The following RHOJ variants were observed in gnomAD, a reference collection of about 807,000 sequenced individuals.
RHOJ encodes ras homolog family member J, also known as rho-related GTP-binding protein RhoJ.
In RHOJ, 11 loss-of-function variants were observed where a neutral mutation model predicts 23.4. The ratio of observed to expected loss-of-function variants is 0.47; its 90% CI spans 0.30 to 0.78. The LOEUF (loss-of-function observed/expected upper bound fraction) is 0.78. Among genes scored for constraint, RHOJ ranks in the 30% least tolerant of loss-of-function variants. The probability of loss-of-function intolerance (pLI) is 0.08; values close to 1 mark genes in which losing one functional copy is unlikely to be tolerated. For missense variants in RHOJ, 254 were observed against 273.4 expected, an observed-to-expected ratio of 0.93 and a Z score of 0.50; for synonymous variants, 102 against 102.7, an observed-to-expected ratio of 0.99 and a Z score of 0.04.
rs996272585 is a variant in RHOJ, at chr14:63,239,305, T to C, written c.179-29805T>C. ...TTTTATATTTTTAATAGAGACGGGG[T>C]TTCGCCATGTTGGCCAGGCTAGTCT... On this transcript the variant is annotated intron_variant, in intron 1 of 4. Transcript: ENST00000316754. Among the ~76,000 whole-genome samples the C allele has an allele frequency of 1.4e-4, 21 of 152,064 alleles. 1 individual carries two copies. The highest frequency in any genetic ancestry group is 4.8e-4 in the African/African-American group (20 of 41,452).
rs543454361 is a variant in RHOJ, at chr14:63,246,626, A to G, written c.179-22484A>G. ...ATGCCATGAACATTAGCTATTATTC[A>G]TATGATTCTCTCTCTCCTCCTATTT... is the stretch of plus-strand genomic sequence containing the variant. On this transcript the variant is annotated intron_variant, in intron 1 of 4. Transcript: ENST00000316754. Among the ~76,000 whole-genome samples, 5 of 152,346 alleles carry G rather than the reference A, an allele frequency of 3.3e-5. No homozygotes were observed. In the East Asian group the frequency reaches 9.6e-4, roughly 29 times the overall value.
At chr14:63,249,739 G>A (rs1895035785) in intron 1 of RHOJ, among the ~76,000 whole-genome samples, 1 of 152,074 alleles carries the variant, frequency 6.6e-6, no homozygotes, top group Admixed American at 6.5e-5. Context: ...TAAGTCAGTG[G>A]TTCTCATCCT....
Position 63,269,188 on chromosome 14 carries a change from A to T in RHOJ, c.237+20A>T, listed in dbSNP as rs768544933. The T allele has an allele frequency of 1.5e-5, 24 of 1,594,352 alleles. No individual in the cohort carries two copies. Among genetic ancestry groups the T allele is most frequent in the Non-Finnish European group, 1.7e-6 (2 of 1,162,406 alleles). ...GGACAGGTACATTTTTATTATCTTG[A>T]TTCATTGGAGGGCGGTGGTGTAGGG... is the stretch of plus-strand genomic sequence containing the variant. On this transcript the variant is annotated intron_variant, in intron 2 of 4. Coordinates refer to ENST00000316754, the MANE Select transcript of RHOJ (RefSeq NM_020663.5).
chr14:63,258,304 G>A (rs1232998529), intron 1 of RHOJ, among the ~76,000 whole-genome samples: 2 of 151,310 alleles, frequency 1.3e-5, no homozygotes, highest in Admixed American at 6.6e-5. Flanking sequence ...TAACCTTCTG[G>A]TCTAATAGAG....
intron 1 of RHOJ, among the ~76,000 whole-genome samples, chr14:63,238,085 G>A (rs1403306068): frequency 6.6e-6 from 1 of 152,152 alleles, no homozygotes; most frequent in Non-Finnish European, 1.5e-5. Context: ...GCTTAACATG[G>A]CAAATCTTTC....
Position 63,278,481 on chromosome 14 carries a change from G to A in RHOJ, c.238-2490G>A, listed in dbSNP as rs547393609. ...TGGGATACATGTGCAGAACGTGCAG[G>A]TTTGTTACATAGGTATACACGTGCC... On this transcript the variant is annotated intron_variant, in intron 2 of 4. Coordinates refer to ENST00000316754, the MANE Select transcript of RHOJ (RefSeq NM_020663.5). Among the ~76,000 whole-genome samples, 15 of 151,972 alleles carry A rather than the reference G, an allele frequency of 9.9e-5. No individual in the cohort carries two copies. The East Asian group carries it at 2.9e-3, about 29-fold the overall frequency.
intron 1 of RHOJ, among the ~76,000 whole-genome samples, chr14:63,235,415 G>A (rs1171253288): frequency 1.3e-5 from 2 of 152,118 alleles, no homozygotes; most frequent in East Asian, 1.9e-4. Flanking sequence ...GGTTATGATA[G>A]TGCTACTGTG....
At chr14:63,259,120 A>G (rs1178844105) in intron 1 of RHOJ, among the ~76,000 whole-genome samples, 2 of 152,182 alleles carry the variant, frequency 1.3e-5, no homozygotes, top group African/African-American at 4.8e-5. Context: ...TTGTATTTCT[A>G]GTAGAGATAG....
chr14:63,207,688 T>C (rs1051672453), intron 1 of RHOJ, among the ~76,000 whole-genome samples: 1 of 152,242 alleles, frequency 6.6e-6, no homozygotes, highest in African/African-American at 2.4e-5. Flanking sequence ...CTGTGCAAGA[T>C]GGTGATCTCT....
At chr14:63,270,606 A>G (rs1895451051) in intron 2 of RHOJ, among the ~76,000 whole-genome samples, 1 of 152,254 alleles carries the variant, frequency 6.6e-6, no homozygotes, top group Admixed American at 6.5e-5. Flanking sequence ...CAACAAGGGT[A>G]CACCACTTTG....
At chr14:63,245,843 A>T (rs1894967212) in intron 1 of RHOJ, among the ~76,000 whole-genome samples, 1 of 152,228 alleles carries the variant, frequency 6.6e-6, no homozygotes, top group Non-Finnish European at 1.5e-5. Context: ...GCAGTGGCCC[A>T]GGCCATCAGA....
chr14:63,244,118 T>C (rs1449579019), intron 1 of RHOJ, among the ~76,000 whole-genome samples: 2 of 152,230 alleles, frequency 1.3e-5, no homozygotes, highest in Non-Finnish European at 2.9e-5. Flanking sequence ...ATGATAGAGC[T>C]TCGACTTCAT....
chr14:63,217,356 C>T (rs1003176185), intron 1 of RHOJ, among the ~76,000 whole-genome samples: 4 of 150,898 alleles, frequency 2.7e-5, no homozygotes, highest in Non-Finnish European at 4.4e-5. Context: ...TTTGTTCTTG[C>T]GATAGTTTAC....
intron 4 of RHOJ, among the ~76,000 whole-genome samples, chr14:63,286,749 C>G (rs779384915): frequency 5.3e-5 from 8 of 152,222 alleles, no homozygotes; most frequent in Non-Finnish European, 7.3e-5. Context: ...ACAATCCCCA[C>G]CACTCCATAT....
At chr14:63,282,437 C>T (rs1404077137) in intron 3 of RHOJ, among the ~76,000 whole-genome samples, 1 of 152,050 alleles carries the variant, frequency 6.6e-6, no homozygotes, top group African/African-American at 2.4e-5. Flanking sequence ...CACATGGATT[C>T]GCATACACAG....
chr14:63,290,107 G>A (rs1882199913), intron 4 of RHOJ, among the ~76,000 whole-genome samples: 1 of 152,070 alleles, frequency 6.6e-6, no homozygotes, highest in Non-Finnish European at 1.5e-5. Context: ...ACCCGGCTTG[G>A]TGGCACACGC....
At chr14:63,255,059 C>T (rs1357822890) in intron 1 of RHOJ, among the ~76,000 whole-genome samples, 3 of 152,114 alleles carry the variant, frequency 2.0e-5, no homozygotes, top group African/African-American at 7.2e-5. Context: ...AATAATGACC[C>T]AGGGGAGCAA....
chr14:63,261,367 C>T (rs891988375), intron 1 of RHOJ, among the ~76,000 whole-genome samples: 2 of 151,988 alleles, frequency 1.3e-5, no homozygotes, highest in Admixed American at 6.6e-5. Context: ...GTTATCTTTT[C>T]TATAGGACAG....
At chr14:63,258,413 A>G (rs1224795790) in intron 1 of RHOJ, among the ~76,000 whole-genome samples, 1 of 151,238 alleles carries the variant, frequency 6.6e-6, no homozygotes, top group Non-Finnish European at 1.5e-5. Flanking sequence ...TTAGTATAAT[A>G]AGAGAGTTTA....
Sources: gnomAD v4.1 joint callset for allele counts (sites outside exome capture counted in the v4.1 genomes callset) on GRCh38, gnomAD v4.1.1 for gene constraint, MANE v1.5 for transcripts, NCBI Gene and HGNC (gene_info 2026-07-23, HGNC 2026-07-21) for gene names.